Variants in KIAA1671 observed in about 807,000 individuals in gnomAD.
KIAA1671 encodes the protein uncharacterized protein KIAA1671.
In KIAA1671, 52 loss-of-function variants were observed where a neutral mutation model predicts 131.2. The ratio of observed to expected loss-of-function variants is 0.40; its 90% CI spans 0.32 to 0.50. The LOEUF (loss-of-function observed/expected upper bound fraction) is 0.50. Among genes scored for constraint, KIAA1671 ranks in the 20% least tolerant of loss-of-function variants. KIAA1671 has a pLI of 0.73. For missense variants in KIAA1671, 2,360 were observed against 2,364.2 expected, an observed-to-expected ratio of 1.00 and a Z score of 0.04; for synonymous variants, 1,003 against 961.6, an observed-to-expected ratio of 1.04 and a Z score of -0.80.
At chr22:25,037,384 G>A (rs550145764) in intron 4 of KIAA1671, among the ~76,000 whole-genome samples, 1 of 134,676 alleles carries the variant, frequency 7.4e-6, no homozygotes, top group African/African-American at 3.7e-5. Context: ...GTATATATGT[G>A]TATATATGTA....
intron 5 of KIAA1671, among the ~76,000 whole-genome samples, chr22:25,043,357 G>A (rs1488085592): frequency 6.6e-6 from 1 of 152,142 alleles, no homozygotes; most frequent in East Asian, 1.9e-4. Context: ...ACCTACTGCT[G>A]TGTGATCATC....
intron 1 of KIAA1671, among the ~76,000 whole-genome samples, chr22:25,020,678 G>A (rs1925616823): frequency 6.6e-6 from 1 of 152,206 alleles, no homozygotes; most frequent in Non-Finnish European, 1.5e-5. Flanking sequence ...CACTCATGGA[G>A]CATTAGAGAA....
At chr22:25,188,863 G>T (rs2146049820) in intron 11 of KIAA1671, among the ~76,000 whole-genome samples, 1 of 152,298 alleles carries the variant, frequency 6.6e-6, no homozygotes, top group Non-Finnish European at 1.5e-5. Context: ...AGGGGCGGCA[G>T]AGGCAGAAGA....
chr22:25,092,603 C>T (rs1334496596), intron 6 of KIAA1671, among the ~76,000 whole-genome samples: 1 of 151,980 alleles, frequency 6.6e-6, no homozygotes, highest in Non-Finnish European at 1.5e-5. Context: ...AGGCCAGTGG[C>T]AGTGGGGACT....
intron 6 of KIAA1671, among the ~76,000 whole-genome samples, chr22:25,169,206 C>G (rs1218009925): frequency 6.6e-6 from 1 of 151,922 alleles, no homozygotes; most frequent in African/African-American, 2.4e-5. Flanking sequence ...TTCTTGAGCC[C>G]AGGAGATTAA....
At position 25,082,694 on chromosome 22, in the gene KIAA1671, G is replaced by A. The variant is rs974330245; in HGVS notation, c.4530+33330G>A. ...CAGAAAATTTAAAAATTAGCTGGGC[G>A]TGGAGGTGCATGCTTTCAAGTCTCA... On this transcript the variant is annotated intron_variant, in intron 6 of 12. Coordinates refer to ENST00000358431, the MANE Select transcript of KIAA1671 (RefSeq NM_001145206.2). Among the ~76,000 whole-genome samples, 8 of 152,136 alleles carry A rather than the reference G, an allele frequency of 5.3e-5. No individual in the cohort carries two copies. In the East Asian group the frequency reaches 5.8e-4, roughly 11 times the overall value.
intron 1 of KIAA1671, among the ~76,000 whole-genome samples, chr22:25,009,077 G>A (rs1205485491): frequency 6.6e-6 from 1 of 152,160 alleles, no homozygotes; most frequent in South Asian, 2.1e-4. Flanking sequence ...TAGATGGCAT[G>A]GAAACGGGAA....
intron 6 of KIAA1671, among the ~76,000 whole-genome samples, chr22:25,068,478 C>T (rs903152891): frequency 1.3e-5 from 2 of 152,040 alleles, no homozygotes; most frequent in Admixed American, 6.5e-5. Context: ...ACTCTGTCAC[C>T]CAGGCTGGAG....
intron 6 of KIAA1671, among the ~76,000 whole-genome samples, chr22:25,126,658 C>T (rs1478776976): frequency 2.0e-5 from 3 of 152,100 alleles, no homozygotes; most frequent in African/African-American, 4.8e-5. Flanking sequence ...TTTTTTGTTA[C>T]AGCTGAGGAA....
chr22:25,003,070 G>A (rs1302978210), intron 1 of KIAA1671, among the ~76,000 whole-genome samples: 1 of 152,126 alleles, frequency 6.6e-6, no homozygotes, highest in Non-Finnish European at 1.5e-5. Context: ...AATGCCCCTG[G>A]CCTCTTTGGC....
intron 6 of KIAA1671, among the ~76,000 whole-genome samples, chr22:25,158,667 C>T (rs562743983): frequency 6.1e-4 from 93 of 152,260 alleles, no homozygotes; most frequent in African/African-American, 2.2e-3. Flanking sequence ...AGTGGGGAAT[C>T]GCAGGCCACT....
chr22:25,108,124 A>T (rs1202292312), intron 6 of KIAA1671, among the ~76,000 whole-genome samples: 1 of 152,178 alleles, frequency 6.6e-6, no homozygotes, highest in Non-Finnish European at 1.5e-5. Flanking sequence ...TTCTTCCAGG[A>T]AATATATATC....
chr22:25,001,182 CG>C (rs1569202823), intron 1 of KIAA1671, among the ~76,000 whole-genome samples: 1 of 104,684 alleles, frequency 9.6e-6, no homozygotes, highest in African/African-American at 5.8e-5. Context: ...TGTATATATA[CG>C]TGTGTATATA....
At chr22:25,005,857 C>A (rs1220050241) in intron 1 of KIAA1671, among the ~76,000 whole-genome samples, 1 of 152,088 alleles carries the variant, frequency 6.6e-6, no homozygotes, top group Non-Finnish European at 1.5e-5. Context: ...CCTTTTCCTA[C>A]CCAGGTGACT....
chr22:25,031,626 G>A (rs1165769652), intron 3 of KIAA1671, among the ~76,000 whole-genome samples: 2 of 152,176 alleles, frequency 1.3e-5, no homozygotes, highest in African/African-American at 4.8e-5. Flanking sequence ...CACGGCACCC[G>A]GCCTGTATTT....
intron 6 of KIAA1671, among the ~76,000 whole-genome samples, chr22:25,100,090 T>C (rs1324766496): frequency 6.6e-6 from 1 of 152,184 alleles, no homozygotes; most frequent in Non-Finnish European, 1.5e-5. Flanking sequence ...GTGGTCTTCC[T>C]GGGTAACCCC....
chr22:25,155,447 G>A (rs963668082), intron 6 of KIAA1671, among the ~76,000 whole-genome samples: 2 of 151,720 alleles, frequency 1.3e-5, no homozygotes, highest in Non-Finnish European at 2.9e-5. Flanking sequence ...GTTTTTGTAG[G>A]TATGCATTTG....
rs71191010 is a variant in KIAA1671, at chr22:24,979,170, A to ATTT, written c.-208+26420_-208+26422dup. Among the ~76,000 whole-genome samples the ATTT allele has an allele frequency of 2.7e-3, 221 of 81,694 alleles. 5 individuals carry two copies. The East Asian group carries it at 0.049, about 18-fold the overall frequency. The allele number at this position is 81,694 out of a possible 152,430, so 53.6% of individuals were successfully genotyped here. On this transcript the variant is annotated intron_variant, in intron 1 of 12. Transcript: ENST00000358431. ...ATCACCATGCCTGGCTAATTTTTGT[A>ATTT]TTTTTTTTTTTTTTTTTTTTTTTTA...
Position 25,039,846 on chromosome 22 carries a change from T to A in KIAA1671, c.2716T>A (p.Phe906Ile). The change falls in exon 5 of 13, where the codon TTT becomes ATT. Residue 906 changes from phenylalanine to isoleucine, a missense_variant. Coordinates refer to ENST00000358431, the MANE Select transcript of KIAA1671 (RefSeq NM_001145206.2). ...CCAAGCACGAACACATCCAGATGCA[T>A]TTGCTGTGCAGAAAGGGCCCTTCAT... ...DSQARTHPDAFAVQKGPFIVA... is the reference protein window; with the variant it reads ...DSQARTHPDAIAVQKGPFIVA... The A allele has an allele frequency of 6.5e-7, 1 of 1,549,694 alleles. No homozygotes were observed. Among genetic ancestry groups the A allele is most frequent in the Non-Finnish European group, 8.7e-7 (1 of 1,145,946 alleles).
Sources: allele counts gnomAD v4.1 joint callset (sites outside exome capture counted in the v4.1 genomes callset), GRCh38; gene constraint gnomAD v4.1.1; transcripts MANE v1.5; gene names NCBI Gene and HGNC (gene_info 2026-07-23, HGNC 2026-07-21).